Variants in GATA4 observed in about 807,000 individuals in gnomAD.
GATA4 encodes the protein transcription factor GATA-4.
A neutral mutation model predicts 37.9 loss-of-function variants in GATA4; 7 were observed. That is an observed-to-expected ratio of 0.18 (90% CI 0.11 to 0.35). The LOEUF (loss-of-function observed/expected upper bound fraction) is 0.35. Among genes scored for constraint, GATA4 ranks in the 10% least tolerant of loss-of-function variants. The pLI is 1.00. For missense variants in GATA4, 647 were observed against 653.0 expected, an observed-to-expected ratio of 0.99 and a Z score of 0.10; for synonymous variants, 372 against 292.6, an observed-to-expected ratio of 1.27 and a Z score of -2.77.
intron 2 of GATA4, among the ~76,000 whole-genome samples, chr8:11,733,873 G>T (rs201030663): frequency 2.0e-5 from 3 of 152,152 alleles, no homozygotes; most frequent in African/African-American, 7.2e-5. Context: ...TATGTGACTC[G>T]AAGTCACTAT....
rs777216146 is a variant in GATA4, at chr8:11,749,864, G to A, written c.787-247G>A. ...CTGACGGTGAATGATGGTTAGGACTGGAAACCAGGTCTCGATGCCCACGTT... is the reference window on the plus strand; with the variant it reads ...CTGACGGTGAATGATGGTTAGGACTAGAAACCAGGTCTCGATGCCCACGTT... On this transcript the variant is annotated intron_variant, in intron 3 of 6. Transcript: ENST00000532059. This position sits in a 1 kb window ranked among gnomAD's most constrained non-coding sequence, Gnocchi z 4.6. 6.6e-6 allele frequency among the ~76,000 whole-genome samples: 1 copy of A among 152,212 alleles called. No individual in the cohort carries two copies. Among genetic ancestry groups the A allele is most frequent in the African/African-American group, 2.4e-5 (1 of 41,458 alleles).
upstream of GATA4, among the ~76,000 whole-genome samples, chr8:11,688,187 C>T (rs567364192): frequency 3.4e-4 from 52 of 152,236 alleles, no homozygotes; most frequent in African/African-American, 9.9e-4. Flanking sequence ...CCCCCACACA[C>T]GTGAGATCAA....
In GATA4 at chr8:11,708,453, C is replaced by T. The variant is rs1365789908; in HGVS notation, c.141C>T (p.Ser47=). The change falls in exon 2 of 7, where the codon TCC becomes TCT. Residue 47 remains serine (S), a synonymous_variant. Coordinates refer to ENST00000532059, the MANE Select transcript of GATA4 (RefSeq NM_001308093.3). The surrounding 1 kb of genome is among the most constrained non-coding windows in gnomAD (Gnocchi z 6.7). ...TGCCCACACCGCGGGTGCCCTCCTC[C>T]GTGCTGGGCCTGTCCTACCTCCAGG... is the stretch of plus-strand genomic sequence containing the variant. ...VYVPTPRVPS[S]VLGLSYLQGG... 6.5e-7 allele frequency: 1 copy of T among 1,532,086 alleles called. No homozygotes were observed. The highest frequency in any genetic ancestry group is 2.3e-4 in the Middle Eastern group (1 of 4,384). The allele number at this position is 1,532,086 out of a possible 1,614,324, so 94.9% of individuals were successfully genotyped here.
At chr8:11,724,896 C>A (rs1335913392) in intron 2 of GATA4, among the ~76,000 whole-genome samples, 1 of 152,202 alleles carries the variant, frequency 6.6e-6, no homozygotes, top group African/African-American at 2.4e-5. Context: ...GAGCCAGTGG[C>A]CATCGTCTTT....
At chr8:11,755,002 A>C in intron 4 of GATA4, 44 bp from the exon 5 acceptor site, 1 of 1,462,508 alleles carries the variant, frequency 6.8e-7, no homozygotes, top group Non-Finnish European at 9.6e-7. Flanking sequence ...GTAGCAGACT[A>C]CGCAGAAATG....
chr8:11,748,832 G>T lies in GATA4; in HGVS notation c.617-84G>T. 4 of 1,483,576 alleles carry T rather than the reference G, an allele frequency of 2.7e-6. No homozygotes were observed. In the South Asian group the frequency reaches 4.5e-5, roughly 17 times the overall value. 91.9% of individuals were successfully genotyped at this position (1,483,576 alleles called of 1,614,324 possible). A position where few individuals can be genotyped will look rare whatever the true frequency, so the allele number is the denominator to read the frequency against. ...CAAGGAAAGGGCATTGTTTCTGTGCGCTCTAGATTCTCAGATGTGAGAGCT... is the reference window on the plus strand; with the variant it reads ...CAAGGAAAGGGCATTGTTTCTGTGCTCTCTAGATTCTCAGATGTGAGAGCT... On this transcript the variant is annotated intron_variant, in intron 2 of 6. Coordinates refer to ENST00000532059, the MANE Select transcript of GATA4 (RefSeq NM_001308093.3).
intron 4 of GATA4, among the ~76,000 whole-genome samples, chr8:11,752,580 G>C (rs543726720): frequency 2.5e-4 from 38 of 152,300 alleles, no homozygotes; most frequent in African/African-American, 9.1e-4. Context: ...GGAATTATGG[G>C]AGCTACAATT....
At chr8:11,706,845 A>T (rs1428294816) in intron 1 of GATA4, among the ~76,000 whole-genome samples, 1 of 152,136 alleles carries the variant, frequency 6.6e-6, no homozygotes, top group African/African-American at 2.4e-5. Context: ...AAATGAGGAG[A>T]GACACCTGTA....
intron 1 of GATA4, among the ~76,000 whole-genome samples, chr8:11,686,199 G>T (rs932618163): frequency 6.9e-6 from 1 of 145,600 alleles, no homozygotes; most frequent in Non-Finnish European, 1.5e-5. Flanking sequence ...ACCTTCAAAA[G>T]ATCTTGTACT....
chr8:11,754,952 G>A (rs775058022), intron 4 of GATA4, 94 bp from the exon 5 acceptor site: 4 of 926,400 alleles, frequency 4.3e-6, no homozygotes, highest in Non-Finnish European at 6.9e-6. Context: ...AGATTGCTTA[G>A]GTGTTGCCTT....
Position 11,749,113 on chromosome 8 carries a change from G to A in GATA4, c.786+28G>A, listed in dbSNP as rs749415706. On this transcript the variant is annotated intron_variant, in intron 3 of 6. Transcript: ENST00000532059. This position sits in a 1 kb window ranked among gnomAD's most constrained non-coding sequence, Gnocchi z 4.6. ...AAGCACGTGCCTCGCAGCCTCCTCT[G>A]GGCACCTGGCTGCGGAGCTCTCGCC... The A allele has an allele frequency of 1.2e-5, 20 of 1,611,804 alleles. No homozygotes were observed. Among genetic ancestry groups the A allele is most frequent in the Non-Finnish European group, 1.6e-5 (19 of 1,178,732 alleles).
chr8:11,756,227 A>G (rs1802560901), intron 5 of GATA4, among the ~76,000 whole-genome samples: 2 of 152,174 alleles, frequency 1.3e-5, no homozygotes, highest in Admixed American at 1.3e-4. Context: ...GGCCCTTTCC[A>G]CTACCAAGAA....
intron 1 of GATA4, among the ~76,000 whole-genome samples, chr8:11,705,301 C>T (rs1220574940): frequency 2.6e-5 from 4 of 152,172 alleles, no homozygotes; most frequent in African/African-American, 2.4e-5. Context: ...GGTGATGCTC[C>T]GCACACGTCT....
chr8:11,749,267 G>C lies in GATA4; in HGVS notation c.786+182G>C, dbSNP rs1000930276. ...TGGAGCCACCAGAATGATCCAGGCTGTCTAGTTCAACCTCTTCGGCACACA... is the reference window on the plus strand; with the variant it reads ...TGGAGCCACCAGAATGATCCAGGCTCTCTAGTTCAACCTCTTCGGCACACA... On this transcript the variant is annotated intron_variant, in intron 3 of 6. Transcript: ENST00000532059. This position sits in a 1 kb window ranked among gnomAD's most constrained non-coding sequence, Gnocchi z 4.6. Among the ~76,000 whole-genome samples, 2 of 152,248 alleles carry C rather than the reference G, an allele frequency of 1.3e-5. No homozygotes were observed. The highest frequency in any genetic ancestry group is 4.8e-5 in the African/African-American group (2 of 41,460).
chr8:11,720,124 G>A (rs1046416468), intron 2 of GATA4, among the ~76,000 whole-genome samples: 3 of 151,742 alleles, frequency 2.0e-5, no homozygotes, highest in Non-Finnish European at 2.9e-5. Flanking sequence ...TCTTCCTGCG[G>A]TGTGACTCAC....
Position 11,696,092 on chromosome 8 carries a change from T to G in GATA4, c.-729+3432T>G, listed in dbSNP as rs555854891. 8.3e-4 allele frequency among the ~76,000 whole-genome samples: 127 copies of G among 152,326 alleles called. 1 individual carries two copies. The highest frequency in any genetic ancestry group is 1.5e-3 in the Non-Finnish European group (105 of 68,036). On this transcript the variant is annotated intron_variant, in intron 1 of 2. Transcript: ENST00000526974. ...GAGTCTTATCCTGCTCCACCTGTGC[T>G]CTTTTTCCTTCTGCTTTTTTCAAAG...
chr8:11,732,496 G>A (rs1049017167), intron 2 of GATA4, among the ~76,000 whole-genome samples: 23 of 152,194 alleles, frequency 1.5e-4, no homozygotes, highest in African/African-American at 5.1e-4. Context: ...AAACAAAACA[G>A]AAGGAGAGAG....
At position 11,709,016 on chromosome 8, in the gene GATA4, A is replaced by C; in HGVS notation, c.616+88A>C. ...TCGAGGGCCTCTTGTTTTTCCACCA[A>C]CGCCTTCGTTGGGCTGGGGATGGTG... On this transcript the variant is annotated intron_variant, in intron 2 of 6. Coordinates refer to ENST00000532059, the MANE Select transcript of GATA4 (RefSeq NM_001308093.3). This position sits in a 1 kb window ranked among gnomAD's most constrained non-coding sequence, Gnocchi z 4.3. The C allele has an allele frequency of 4.5e-6, 6 of 1,319,024 alleles. No homozygotes were observed. Among genetic ancestry groups the C allele is most frequent in the South Asian group, 1.5e-5 (1 of 68,038 alleles). The allele number at this position is 1,319,024 out of a possible 1,614,324, so 81.7% of individuals were successfully genotyped here. A position where few individuals can be genotyped will look rare whatever the true frequency, so the allele number is the denominator to read the frequency against.
At chr8:11,742,612 CA>C (rs1801802751) in intron 2 of GATA4, among the ~76,000 whole-genome samples, 1 of 152,172 alleles carries the variant, frequency 6.6e-6, no homozygotes, top group East Asian at 1.9e-4. Flanking sequence ...CAGGAGCTTC[CA>C]AAATAGGTGA....
Sources: allele counts gnomAD v4.1 joint callset (sites outside exome capture counted in the v4.1 genomes callset), GRCh38; gene constraint gnomAD v4.1.1; non-coding constraint Gnocchi (gnomAD v3.1); transcripts MANE v1.5; gene names NCBI Gene and HGNC (gene_info 2026-07-23, HGNC 2026-07-21).